The following TYMS variants were observed in gnomAD, a reference collection of about 807,000 sequenced individuals.
The protein encoded by TYMS is thymidylate synthetase.
TYMS carries 21 observed loss-of-function variants against 39.3 expected under a neutral mutation model. The observed-to-expected ratio is 0.54, with a 90% CI of 0.38 to 0.77. The LOEUF (loss-of-function observed/expected upper bound fraction) is 0.77. TYMS is among the 30% of genes least tolerant of loss of function. The pLI, the probability that TYMS is intolerant of heterozygous loss-of-function variation, is 0.00. For missense variants in TYMS, 273 were observed against 406.7 expected (o/e 0.67, Z 2.83); for synonymous variants, 171 against 162.2 (o/e 1.05, Z -0.41).
chr18:671,695 G>T lies in TYMS; in HGVS notation c.804+244G>T, dbSNP rs1002104836. The stretch of plus-strand genomic sequence containing the variant: ...AAGCACCAGTACCAGAGAGGGAAGA[G>T]CCACATTCAAGCCAGGGGATTGTCC... On this transcript the variant is annotated intron_variant, in intron 6 of 6. Coordinates refer to ENST00000323274, the MANE Select transcript of TYMS (RefSeq NM_001071.4). 3 of 517,300 alleles carry T rather than the reference G, an allele frequency of 5.8e-6. No homozygotes were observed. The African/African-American group carries it at 6.0e-5, about 10-fold the overall frequency. 32.0% of individuals were successfully genotyped at this position (517,300 alleles called of 1,614,324 possible).
In TYMS at chr18:659,659, C is replaced by T; in HGVS notation, c.224C>T (p.Thr75Ile). Residue 75 changes from threonine (T) to isoleucine (I), a missense_variant, in exon 2 of 7, where the codon ACA becomes ATA. Thr to Ile is a moderately conservative substitution (Grantham distance 89). Around this residue, in one of 3 missense-constraint regions of TYMS, gnomAD observed 228 missense variants for 326.1 expected, o/e 0.70. Coordinates refer to ENST00000323274, the MANE Select transcript of TYMS (RefSeq NM_001071.4). The part of the protein sequence containing the change: ...YSLRDEFPLL[T>I]TKRVFWKGVL... ...TTTTCAGATGAATTCCCTCTGCTGA[C>T]AACCAAACGTGTGTTCTGGAAGGGT... 1 of 1,614,186 alleles carries T rather than the reference C, an allele frequency of 6.2e-7. No homozygotes were observed. Among genetic ancestry groups the T allele is most frequent in the Non-Finnish European group, 8.5e-7 (1 of 1,179,998 alleles).
intron 3 of TYMS, among the ~76,000 whole-genome samples, chr18:666,371 G>A (rs2847149): frequency 0.55 from 83,505 of 151,648 alleles, 24,567 homozygotes; most frequent in African/African-American, 0.77. Context: ...GAAGCGCAGT[G>A]CCAGGGTCAC....
At chr18:672,318 T>C (rs1325543548) in intron 6 of TYMS, 2 of 152,206 alleles carry the variant, frequency 1.3e-5, no homozygotes, top group African/African-American at 4.8e-5. Flanking sequence ...TGCTTTTGAG[T>C]GGAGGTGACT....
At chr18:671,290 T>C in intron 5 of TYMS, 90 bp from the exon 6 acceptor site, 1 of 878,440 alleles carries the variant, frequency 1.1e-6, no homozygotes, top group Non-Finnish European at 1.9e-6. Context: ...AAAAAAAGCC[T>C]TGCGGTGTCT....
chr18:660,000 G>A (rs867825643), intron 2 of TYMS, among the ~76,000 whole-genome samples: 20 of 152,270 alleles, frequency 1.3e-4, no homozygotes, highest in Middle Eastern at 3.4e-3. Flanking sequence ...CTCACGAGGC[G>A]GAGGTTGTAG....
rs1598467903 is a variant in TYMS at position 666,891 on chromosome 18, AGATGGTGATGGAGATGGT to A, written c.455-2127_455-2110del. Among the ~76,000 whole-genome samples, 80 of 62,180 alleles carry A rather than the reference AGATGGTGATGGAGATGGT, an allele frequency of 1.3e-3. 8 individuals carry two copies. Among genetic ancestry groups the A allele is most frequent in the Middle Eastern group, 8.3e-3 (1 of 120 alleles). 40.8% of individuals were successfully genotyped at this position (62,180 alleles called of 152,430 possible). On this transcript the variant is annotated intron_variant, in intron 3 of 6. Coordinates refer to ENST00000323274, the MANE Select transcript of TYMS (RefSeq NM_001071.4). ...GTTAGGGATGACGAAAAAGTTCGGG[AGATGGTGATGGAGATGGT>A]GATGGTGATGGAGATGGTGATGGTG...
At position 658,493 on chromosome 18, in the gene TYMS, A is replaced by T. The variant is rs1427341917; in HGVS notation, c.205+546A>T. 4 of 385,608 alleles carry T rather than the reference A, an allele frequency of 1.0e-5. No individual in the cohort carries two copies. Among genetic ancestry groups the T allele is most frequent in the Non-Finnish European group, 1.9e-5 (4 of 216,192 alleles). The allele number at this position is 385,608 out of a possible 1,614,324, so 23.9% of individuals were successfully genotyped here. A position where few individuals can be genotyped will look rare whatever the true frequency, so the allele number is the denominator to read the frequency against. On this transcript the variant is annotated intron_variant, in intron 1 of 6. Coordinates refer to ENST00000323274, the MANE Select transcript of TYMS (RefSeq NM_001071.4). This position sits in a 1 kb window ranked among gnomAD's most constrained non-coding sequence, Gnocchi z 4.5. Reference sequence around the variant, plus strand: ...GCCTCCCATCCAATCCCCACGAACCAGCTTTCCTCTTAAACCTTGAAAAGA... The same window carrying T: ...GCCTCCCATCCAATCCCCACGAACCTGCTTTCCTCTTAAACCTTGAAAAGA...
chr18:666,357 C>T (rs2074815951), intron 3 of TYMS, among the ~76,000 whole-genome samples: 1 of 152,026 alleles, frequency 6.6e-6, no homozygotes, highest in Admixed American at 6.6e-5. Context: ...GGTGGCGCTG[C>T]TGTGAAGCGC....
At chr18:667,557 GGT>G (rs1454347387) in intron 3 of TYMS, among the ~76,000 whole-genome samples, 7 of 90,632 alleles carry the variant, frequency 7.7e-5, no homozygotes, top group African/African-American at 2.1e-4. Flanking sequence ...TGATGGAGAT[GGT>G]GATGGTGATG....
Position 672,922 on chromosome 18 carries a change from T to C in TYMS, c.867T>C (p.Asp289=). The part of the protein sequence containing the change: ...LRILRKVEKI[D]DFKAEDFQIE... ...TTCTTCGAAAAGTTGAGAAAATTGA[T>C]GACTTCAAAGCTGAAGACTTTCAGA... The change falls in exon 7 of 7, where the codon GAT becomes GAC. Residue 289 remains aspartate (D), a synonymous_variant. Coordinates refer to ENST00000323274, the MANE Select transcript of TYMS (RefSeq NM_001071.4). The C allele has an allele frequency of 2.5e-6, 4 of 1,598,926 alleles. No homozygotes were observed. Among genetic ancestry groups the C allele is most frequent in the East Asian group, 2.2e-5 (1 of 44,592 alleles).
chr18:672,634 A>C (rs2075114157), intron 6 of TYMS: 1 of 375,136 alleles, frequency 2.7e-6, no homozygotes, highest in Admixed American at 4.0e-5. Context: ...CAGGCTCCTG[A>C]TGCTGTGTAA....
intron 2 of TYMS, among the ~76,000 whole-genome samples, chr18:661,540 A>T (rs974994038): frequency 1.3e-5 from 2 of 152,234 alleles, no homozygotes; most frequent in African/African-American, 4.8e-5. Flanking sequence ...AAACTGTCAG[A>T]TCGGTGGAAT....
At chr18:667,071 T>C (rs867337707) in intron 3 of TYMS, among the ~76,000 whole-genome samples, 2 of 49,670 alleles carry the variant, frequency 4.0e-5, no homozygotes, top group African/African-American at 3.4e-4. Context: ...ATGGTGATGG[T>C]GATGGAGATG....
rs1034529516 is a variant in TYMS, at chr18:670,840, C to T, written c.705C>T (p.Tyr235=). 2 of 1,613,944 alleles carry T rather than the reference C, an allele frequency of 1.2e-6. No homozygotes were observed. Among genetic ancestry groups the T allele is most frequent in the African/African-American group, 1.3e-5 (1 of 74,880 alleles). ...FNIASYALLT[Y]MIAHITGLKP... The stretch of plus-strand genomic sequence containing the variant: ...TCGCCAGCTACGCCCTGCTCACGTA[C>T]ATGATTGCGCACATCACGGGCCTGA... Residue 235 remains tyrosine, a synonymous_variant, in exon 5 of 7, where the codon TAC becomes TAT. Coordinates refer to ENST00000323274, the MANE Select transcript of TYMS (RefSeq NM_001071.4).
chr18:671,528 C>T (rs2075050021), intron 6 of TYMS, 77 bp downstream of exon 6: 4 of 918,300 alleles, frequency 4.4e-6, no homozygotes, highest in Non-Finnish European at 7.2e-6. Flanking sequence ...GGCATCTGCT[C>T]AATGCTGTGT....
intron 3 of TYMS, among the ~76,000 whole-genome samples, chr18:665,355 G>A (rs1303390860): frequency 2.0e-5 from 3 of 150,920 alleles, no homozygotes; most frequent in African/African-American, 7.3e-5. Context: ...CTGTGGGATT[G>A]GTGGTGATAT....
intron 4 of TYMS, chr18:669,436 G>C (rs938615286): frequency 6.2e-6 from 2 of 322,074 alleles, no homozygotes; most frequent in African/African-American, 4.4e-5. Context: ...GCAACGGCGT[G>C]ATCTTGGCTC....
intron 4 of TYMS, among the ~76,000 whole-genome samples, chr18:670,044 TA>T (rs1393355270): frequency 3.3e-5 from 4 of 121,026 alleles, no homozygotes; most frequent in African/African-American, 7.6e-5. Context: ...AATAGAGACT[TA>T]TTTTTTTTTT....
chr18:657,956 G>T lies in TYMS; in HGVS notation c.205+9G>T. ...GCGCTACAGCCTGAGAGGTGACGCCGCGGGCCCCTGCGGGACGGGTGGCGG... is the reference window on the plus strand; with the variant it reads ...GCGCTACAGCCTGAGAGGTGACGCCTCGGGCCCCTGCGGGACGGGTGGCGG... On this transcript the variant is annotated intron_variant, in intron 1 of 6. Transcript: ENST00000323274. 6.7e-7 allele frequency: 1 copy of T among 1,503,622 alleles called. No individual in the cohort carries two copies. 93.1% of individuals were successfully genotyped at this position (1,503,622 alleles called of 1,614,324 possible).
Sources: gnomAD v4.1 joint callset for allele counts (sites outside exome capture counted in the v4.1 genomes callset) on GRCh38, gnomAD v4.1.1 for gene constraint, gnomAD v4.1.1 regional missense constraint, Gnocchi (gnomAD v3.1) non-coding constraint, MANE v1.5 for transcripts, NCBI Gene and HGNC (gene_info 2026-07-23, HGNC 2026-07-21) for gene names.